ITGB6: variants seen among roughly 807,000 people sequenced by gnomAD.
The protein encoded by ITGB6 is integrin beta-6.
A neutral mutation model predicts 84.5 loss-of-function variants in ITGB6; 80 were observed. The ratio of observed to expected loss-of-function variants is 0.95; its 90% confidence interval spans 0.79 to 1.14. ITGB6 has a LOEUF of 1.14. Ranked by LOEUF, ITGB6 falls within the 50% of genes most tolerant of loss-of-function variation. The pLI, the probability that ITGB6 is intolerant of heterozygous loss-of-function variation, is 0.00. For missense variants in ITGB6, 1,006 were observed against 968.0 expected (o/e 1.04, Z -0.52); for synonymous variants, 383 against 354.9 (o/e 1.08, Z -0.89).
At chr2:160,148,534 C>T (rs554916863) in intron 7 of ITGB6, among the ~76,000 whole-genome samples, 6 of 152,326 alleles carry the variant, frequency 3.9e-5, no homozygotes, top group East Asian at 3.9e-4. Context: ...GCATGATCGA[C>T]GCAGAAGATG....
At chr2:160,179,104 A>T (rs1288778592) in intron 4 of ITGB6, 1 of 152,214 alleles carries the variant, frequency 6.6e-6, no homozygotes, top group East Asian at 1.9e-4. Context: ...ATTTGCATTT[A>T]AAATGCAAAA....
rs370089066 is a variant in ITGB6, at chr2:160,137,895, G to C, written c.1243-44C>G. On this transcript the variant is annotated intron_variant, in intron 9 of 14. Coordinates refer to ENST00000283249, the MANE Select transcript of ITGB6 (RefSeq NM_000888.5). ...ATTATCTCCCTCCATCCACCAAAAT[G>C]CACGAGGTGAAACAAGGCTTCACGG... 1,270 of 1,589,084 alleles carry C rather than the reference G, an allele frequency of 8.0e-4. 2 individuals carry two copies. The highest frequency in any genetic ancestry group is 1.3e-3 in the South Asian group (118 of 88,588).
In ITGB6 at chr2:160,101,477, T is replaced by C. The variant is rs1696717643; in HGVS notation, c.*259A>G. The stretch of plus-strand genomic sequence containing the variant: ...CAGGCCCCCATGAATCATTTGATGA[T>C]TTTTTGAAGCATTAATGCAACAGAG... On this transcript the variant is annotated 3_prime_UTR_variant, in exon 15 of 15. Coordinates refer to ENST00000283249, the MANE Select transcript of ITGB6 (RefSeq NM_000888.5). 1 of 373,662 alleles carries C rather than the reference T, an allele frequency of 2.7e-6. No homozygotes were observed. Among genetic ancestry groups the C allele is most frequent in the Non-Finnish European group, 4.8e-6 (1 of 207,922 alleles). 23.1% of individuals were successfully genotyped at this position (373,662 alleles called of 1,614,324 possible).
In ITGB6 at chr2:160,137,773, C is replaced by CT. The variant is rs1450265954; in HGVS notation, c.1320_1321insA (p.Gly441ArgfsTer51). On this transcript the variant is annotated frameshift_variant, in exon 10 of 15. Coordinates refer to ENST00000283249, the MANE Select transcript of ITGB6 (RefSeq NM_000888.5). LOFTEE classifies it high-confidence loss of function. ...CTGACAAGTAATTCCAGGGCATCCC[C>CT]CAGCCCCACAGGCTTTATGATAATG... 6.2e-7 allele frequency: 1 copy of CT among 1,614,062 alleles called. No homozygotes were observed. Among genetic ancestry groups the CT allele is most frequent in the Non-Finnish European group, 8.5e-7 (1 of 1,180,026 alleles).
In ITGB6 at chr2:160,137,836, T is replaced by A; in HGVS notation, c.1258A>T (p.Thr420Ser). 6.2e-7 allele frequency: 1 copy of A among 1,613,692 alleles called. No homozygotes were observed. Among genetic ancestry groups the A allele is most frequent in the Non-Finnish European group, 8.5e-7 (1 of 1,179,672 alleles). Residue 420 changes from threonine to serine, a missense_variant, in exon 10 of 15, where the codon ACT becomes TCT. By Grantham distance (58) the Thr-to-Ser change is moderately conservative. Coordinates refer to ENST00000283249, the MANE Select transcript of ITGB6 (RefSeq NM_000888.5). ...KVGDTASFSV[T>S]VNIPHCERRS... The stretch of plus-strand genomic sequence containing the variant: ...CTCTCGCAGTGTGGGATATTCACAG[T>A]CACGCTGAAGGAAGCCTGGAAAAGA...
At chr2:160,123,965 T>A in intron 11 of ITGB6, 77 bp from the exon 12 acceptor site, 1 of 1,029,054 alleles carries the variant, frequency 9.7e-7, no homozygotes, top group Non-Finnish European at 1.5e-6. Context: ...GCTTTACTGC[T>A]GTTGTTGCAA....
At chr2:160,156,368 C>T (rs1406797953) in intron 7 of ITGB6, among the ~76,000 whole-genome samples, 1 of 152,104 alleles carries the variant, frequency 6.6e-6, no homozygotes, top group Non-Finnish European at 1.5e-5. Flanking sequence ...AACTCAGGGG[C>T]CTTACAACAG....
At chr2:160,156,648 T>G (rs978490575) in intron 7 of ITGB6, among the ~76,000 whole-genome samples, 5 of 152,162 alleles carry the variant, frequency 3.3e-5, no homozygotes, top group Non-Finnish European at 7.3e-5. Flanking sequence ...GTTGTTCCCT[T>G]TCATTGTTCA....
At chr2:160,147,769 T>G (rs1559153279) in intron 7 of ITGB6, among the ~76,000 whole-genome samples, 1 of 151,786 alleles carries the variant, frequency 6.6e-6, no homozygotes, top group African/African-American at 2.4e-5. Context: ...AACTGGACAT[T>G]CACATGAAAA....
At chr2:160,139,225 T>C (rs1307959591) in intron 8 of ITGB6, among the ~76,000 whole-genome samples, 9 of 152,172 alleles carry the variant, frequency 5.9e-5, no homozygotes, top group African/African-American at 2.2e-4. Context: ...TTTAAAAATA[T>C]TATGAATTAA....
At chr2:160,161,932 T>C (rs770032071) in intron 7 of ITGB6, among the ~76,000 whole-genome samples, 2 of 152,194 alleles carry the variant, frequency 1.3e-5, no homozygotes, top group East Asian at 3.9e-4. Context: ...GCTGCAACAC[T>C]TGTAATGCTG....
chr2:160,195,886 TTG>T (rs139765423), intron 3 of ITGB6, among the ~76,000 whole-genome samples: 1,826 of 152,308 alleles, frequency 0.012, 17 homozygotes, highest in South Asian at 0.043. Context: ...GCTGAATTTT[TTG>T]TGTGTTGTTT....
intron 7 of ITGB6, among the ~76,000 whole-genome samples, chr2:160,145,892 C>CCGA (rs1183081852): frequency 6.6e-6 from 1 of 152,190 alleles, no homozygotes; most frequent in East Asian, 1.9e-4. Flanking sequence ...GACTGTATCT[C>CCGA]CTGTGTGCTT....
chr2:160,112,606 T>C (rs779103170), intron 12 of ITGB6, among the ~76,000 whole-genome samples: 2 of 152,194 alleles, frequency 1.3e-5, no homozygotes, highest in African/African-American at 2.4e-5. Context: ...CTGATACTGA[T>C]ACTTTTAAAG....
intron 12 of ITGB6, among the ~76,000 whole-genome samples, chr2:160,121,056 A>G (rs976784466): frequency 1.3e-5 from 2 of 152,102 alleles, no homozygotes; most frequent in Admixed American, 1.3e-4. Context: ...AACTTAAAGT[A>G]TAATGATAAT....
At chr2:160,197,755 G>A (rs1686400035) in intron 2 of ITGB6, among the ~76,000 whole-genome samples, 1 of 152,228 alleles carries the variant, frequency 6.6e-6, no homozygotes, top group Admixed American at 6.5e-5. Flanking sequence ...GGCTGGCCAA[G>A]GCTTCAGAAT....
At chr2:160,187,745 A>G (rs964358640) in intron 4 of ITGB6, among the ~76,000 whole-genome samples, 1 of 152,212 alleles carries the variant, frequency 6.6e-6, no homozygotes. Flanking sequence ...AACATATTAC[A>G]GTAATATGCA....
intron 10 of ITGB6, among the ~76,000 whole-genome samples, chr2:160,129,473 T>G (rs1683373813): frequency 6.6e-6 from 1 of 151,554 alleles, no homozygotes; most frequent in South Asian, 2.1e-4. Context: ...TAGGATTACC[T>G]AAGACAGTAT....
At chr2:160,125,735 A>G in intron 11 of ITGB6, among the ~76,000 whole-genome samples, 1 of 152,210 alleles carries the variant, frequency 6.6e-6, no homozygotes, top group Non-Finnish European at 1.5e-5. Flanking sequence ...GGCTCGCTTC[A>G]CTTGACCTAC....
Sources: gnomAD v4.1 joint callset for allele counts (sites outside exome capture counted in the v4.1 genomes callset) on GRCh38, gnomAD v4.1.1 for gene constraint, MANE v1.5 for transcripts, NCBI Gene and HGNC (gene_info 2026-07-23, HGNC 2026-07-21) for gene names.